Variants in CUL3 observed in about 807,000 individuals in gnomAD.
The protein encoded by CUL3 is cullin 3.
A neutral mutation model predicts 89.1 loss-of-function variants in CUL3; 19 were observed. The observed-to-expected ratio is 0.21, with a 90% CI of 0.15 to 0.31. The LOEUF is 0.31. Ranked by LOEUF, CUL3 falls within the 10% of genes least tolerant of loss-of-function variation. The probability of loss-of-function intolerance (pLI) is 1.00; values close to 1 mark genes in which losing one functional copy is unlikely to be tolerated. For missense variants in CUL3, 469 were observed against 942.3 expected, an observed-to-expected ratio of 0.50 and a Z score of 6.58; for synonymous variants, 351 against 308.4, an observed-to-expected ratio of 1.14 and a Z score of -1.45.
chr2:224,544,141 G>A (rs1694213032), intron 2 of CUL3, among the ~76,000 whole-genome samples: 1 of 152,186 alleles, frequency 6.6e-6, no homozygotes, highest in Non-Finnish European at 1.5e-5. Context: ...CCTGTGATGT[G>A]ACTATGGTTG....
chr2:224,578,679 A>T (rs193045783), intron 1 of CUL3, among the ~76,000 whole-genome samples: 3 of 152,304 alleles, frequency 2.0e-5, no homozygotes, highest in African/African-American at 7.2e-5. Context: ...ATACCTTTAC[A>T]TTCTGTTGAC....
chr2:224,551,738 C>A (rs1276098165), intron 2 of CUL3, among the ~76,000 whole-genome samples: 1 of 152,130 alleles, frequency 6.6e-6, no homozygotes, highest in Non-Finnish European at 1.5e-5. Flanking sequence ...AAAACAGACT[C>A]TGAGGAGCTG....
intron 3 of CUL3, among the ~76,000 whole-genome samples, chr2:224,534,206 T>C (rs1465217762): frequency 1.3e-5 from 2 of 152,232 alleles, no homozygotes; most frequent in Non-Finnish European, 2.9e-5. Context: ...TTAACTGGAA[T>C]TTAATCTCTC....
intron 3 of CUL3, chr2:224,532,890 C>T (rs1324346130): frequency 1.3e-5 from 2 of 152,050 alleles, no homozygotes; most frequent in African/African-American, 4.8e-5. Flanking sequence ...CCACCCTCCA[C>T]TAAAAGAGGA....
chr2:224,555,975 C>A (rs988111052), intron 2 of CUL3, among the ~76,000 whole-genome samples: 3 of 152,148 alleles, frequency 2.0e-5, no homozygotes. Flanking sequence ...CTCTTTGCAT[C>A]CACTACATTA....
At chr2:224,551,427 G>A (rs768388974) in intron 2 of CUL3, among the ~76,000 whole-genome samples, 3 of 151,812 alleles carry the variant, frequency 2.0e-5, no homozygotes, top group Non-Finnish European at 2.9e-5. Flanking sequence ...GGATGGTCTC[G>A]ATCTCCTGAC....
At chr2:224,535,439 G>A (rs1693860299) in intron 3 of CUL3, 89 bp downstream of exon 3, 14 of 822,736 alleles carry the variant, frequency 1.7e-5, no homozygotes, top group Admixed American at 2.8e-5. Flanking sequence ...CAAAGTGCTG[G>A]GATTACAGGC....
chr2:224,560,665 A>C (rs1237795647), intron 1 of CUL3: 1 of 152,532 alleles, frequency 6.6e-6, no homozygotes, highest in African/African-American at 2.4e-5. Context: ...TTCCACTGCT[A>C]CTATCCTGGT....
intron 1 of CUL3, among the ~76,000 whole-genome samples, chr2:224,579,953 A>C (rs1309951978): frequency 1.3e-5 from 2 of 152,222 alleles, no homozygotes; most frequent in African/African-American, 2.4e-5. Context: ...AAAAATGGTA[A>C]GAAATGATTT....
chr2:224,545,028 T>C (rs1048301827), intron 2 of CUL3, among the ~76,000 whole-genome samples: 2 of 152,198 alleles, frequency 1.3e-5, no homozygotes, highest in South Asian at 4.1e-4. Flanking sequence ...TGAGGAATTC[T>C]TAATGCAGTC....
chr2:224,481,384 G>A (rs1178474598), intron 14 of CUL3, among the ~76,000 whole-genome samples: 1 of 144,972 alleles, frequency 6.9e-6, no homozygotes, highest in Non-Finnish European at 1.5e-5. Flanking sequence ...TTTCATTATC[G>A]ACTTATATGG....
intron 10 of CUL3, among the ~76,000 whole-genome samples, chr2:224,502,064 T>A (rs906566635): frequency 1.3e-5 from 2 of 152,232 alleles, no homozygotes; most frequent in African/African-American, 4.8e-5. Flanking sequence ...TAAACACTGA[T>A]ATTTATAAAG....
chr2:224,530,681 T>G (rs933753646), intron 3 of CUL3, among the ~76,000 whole-genome samples: 1 of 151,850 alleles, frequency 6.6e-6, no homozygotes, highest in African/African-American at 2.4e-5. Context: ...CTGAGGCGGG[T>G]AGATCACTTG....
At chr2:224,477,720 T>C (rs554257782) in intron 15 of CUL3, among the ~76,000 whole-genome samples, 10 of 152,306 alleles carry the variant, frequency 6.6e-5, no homozygotes, top group Admixed American at 5.9e-4. Flanking sequence ...TATCAATCAG[T>C]AAAGTCTGTC....
At chr2:224,524,052 A>G (rs1264861771) in intron 3 of CUL3, among the ~76,000 whole-genome samples, 2 of 152,194 alleles carry the variant, frequency 1.3e-5, no homozygotes, top group African/African-American at 4.8e-5. Context: ...ACTTAAGGGT[A>G]AGATGGTAAA....
At chr2:224,527,136 CAA>C (rs1321042396) in intron 3 of CUL3, among the ~76,000 whole-genome samples, 2 of 152,114 alleles carry the variant, frequency 1.3e-5, no homozygotes, top group African/African-American at 2.4e-5. Flanking sequence ...CTTACAAAAG[CAA>C]AGTCAGTCAA....
At chr2:224,537,929 T>C (rs1358351776) in intron 2 of CUL3, among the ~76,000 whole-genome samples, 1 of 152,130 alleles carries the variant, frequency 6.6e-6, no homozygotes, top group Non-Finnish European at 1.5e-5. Context: ...TTCAAATCAC[T>C]GATTTGTACA....
At chr2:224,480,789 T>C (rs1691510522) in intron 14 of CUL3, among the ~76,000 whole-genome samples, 1 of 152,172 alleles carries the variant, frequency 6.6e-6, no homozygotes. Flanking sequence ...AAAGTAGTTA[T>C]GTCTTGCATT....
chr2:224,536,280 T>C (rs1434563530), intron 2 of CUL3, among the ~76,000 whole-genome samples: 1 of 152,192 alleles, frequency 6.6e-6, no homozygotes, highest in Non-Finnish European at 1.5e-5. Flanking sequence ...ATACAGCAAC[T>C]GTGCTCTGCC....
Sources: allele counts gnomAD v4.1 joint callset (sites outside exome capture counted in the v4.1 genomes callset), GRCh38; gene constraint gnomAD v4.1.1; transcripts MANE v1.5; gene names NCBI Gene and HGNC (gene_info 2026-07-23, HGNC 2026-07-21).